EML5: variants seen among roughly 807,000 people sequenced by gnomAD.
The protein encoded by EML5 is EMAP like 5.
EML5 carries 120 observed loss-of-function variants against 250.0 expected under a neutral mutation model. The observed-to-expected ratio is 0.48, with a 90% CI of 0.41 to 0.56. The LOEUF (loss-of-function observed/expected upper bound fraction) is 0.56. Ranked by LOEUF, EML5 falls within the 20% of genes least tolerant of loss-of-function variation. The pLI, the probability that EML5 is intolerant of heterozygous loss-of-function variation, is 0.00. For missense variants in EML5, 2,006 were observed against 2,437.6 expected (o/e 0.82, Z 3.73); for synonymous variants, 771 against 806.5 (o/e 0.96, Z 0.75).
At chr14:88,631,538 G>A (rs1337592732) in intron 33 of EML5, among the ~76,000 whole-genome samples, 8 of 152,210 alleles carry the variant, frequency 5.3e-5, no homozygotes, top group Admixed American at 5.2e-4. Flanking sequence ...AGAAGCTGAG[G>A]CGGGTGGATA....
In EML5 at chr14:88,792,874, T is replaced by G. The variant is rs887863091; in HGVS notation, c.-371A>C. 1 of 378,482 alleles carries G rather than the reference T, an allele frequency of 2.6e-6. No homozygotes were observed. Among genetic ancestry groups the G allele is most frequent in the Non-Finnish European group, 3.6e-6 (1 of 275,080 alleles). 23.4% of individuals were successfully genotyped at this position (378,482 alleles called of 1,614,324 possible). On this transcript the variant is annotated 5_prime_UTR_variant, in exon 1 of 44. Transcript: ENST00000554922. This position sits in a 1 kb window ranked among gnomAD's most constrained non-coding sequence, Gnocchi z 6.9. ...CACGCAGCTCCCAGCCCCGGTCACC[T>G]GCGGCGCTCGCGCCCCGCCGCGGCT...
intron 8 of EML5, among the ~76,000 whole-genome samples, chr14:88,726,000 C>T (rs2093660968): frequency 6.6e-6 from 1 of 152,194 alleles, no homozygotes; most frequent in African/African-American, 2.4e-5. Context: ...TGTGGATCTA[C>T]AGCAAATTTC....
At chr14:88,771,481 T>C (rs1012122082) in intron 1 of EML5, among the ~76,000 whole-genome samples, 1 of 152,194 alleles carries the variant, frequency 6.6e-6, no homozygotes, top group Non-Finnish European at 1.5e-5. Context: ...GCTTCCTCAC[T>C]ACTGAGTCAT....
chr14:88,638,409 C>G (rs2090858644), intron 32 of EML5, among the ~76,000 whole-genome samples: 1 of 152,176 alleles, frequency 6.6e-6, no homozygotes, highest in Non-Finnish European at 1.5e-5. Context: ...CCTGAACCCC[C>G]ACGGAAGCAG....
chr14:88,655,733 A>G, intron 27 of EML5, among the ~76,000 whole-genome samples: 1 of 152,200 alleles, frequency 6.6e-6, no homozygotes, highest in African/African-American at 2.4e-5. Context: ...TCCATCTGAC[A>G]AAGGGCTAAT....
chr14:88,698,586 T>G (rs1298776120), intron 14 of EML5, among the ~76,000 whole-genome samples: 1 of 152,052 alleles, frequency 6.6e-6, no homozygotes, highest in African/African-American at 2.4e-5. Flanking sequence ...TACTACTGAG[T>G]TTCCTTCTCA....
At chr14:88,692,669 T>G (rs914073465) in intron 17 of EML5, among the ~76,000 whole-genome samples, 1 of 152,224 alleles carries the variant, frequency 6.6e-6, no homozygotes, top group Non-Finnish European at 1.5e-5. Flanking sequence ...CTGTAGTATA[T>G]GCTGCGAATT....
chr14:88,742,202 T>C (rs2093934553), intron 4 of EML5, among the ~76,000 whole-genome samples: 1 of 152,146 alleles, frequency 6.6e-6, no homozygotes, highest in South Asian at 2.1e-4. Flanking sequence ...ACTATTGTTC[T>C]AGAATCCAAA....
chr14:88,632,676 C>T (rs1317390379), intron 33 of EML5, among the ~76,000 whole-genome samples: 1 of 152,202 alleles, frequency 6.6e-6, no homozygotes, highest in Admixed American at 6.5e-5. Flanking sequence ...GCTGGGCTAG[C>T]TCTTGGCCAG....
At chr14:88,734,855 G>A (rs2140180963) in intron 7 of EML5, among the ~76,000 whole-genome samples, 1 of 152,140 alleles carries the variant, frequency 6.6e-6, no homozygotes, top group East Asian at 1.9e-4. Flanking sequence ...GAACAAAAAG[G>A]GAAGGAAGAA....
chr14:88,656,749 C>T (rs1320358851), intron 27 of EML5, among the ~76,000 whole-genome samples: 1 of 57,994 alleles, frequency 1.7e-5, no homozygotes, highest in Non-Finnish European at 2.7e-5. Context: ...GAAATGAGGA[C>T]TGACTATGCT....
intron 3 of EML5, among the ~76,000 whole-genome samples, chr14:88,745,058 A>G (rs2093983573): frequency 6.6e-6 from 1 of 152,136 alleles, no homozygotes; most frequent in Admixed American, 6.6e-5. Context: ...GTCTATTTAT[A>G]TAAATTCCAA....
rs2087261132 is a variant in EML5, at chr14:88,614,261, G to C, written c.*1557C>G. 1 of 152,064 alleles carries C rather than the reference G, an allele frequency of 6.6e-6. No homozygotes were observed. The highest frequency in any genetic ancestry group is 6.6e-5 in the Admixed American group (1 of 15,244). 9.4% of individuals were successfully genotyped at this position (152,064 alleles called of 1,614,324 possible). On this transcript the variant is annotated 3_prime_UTR_variant, in exon 44 of 44. Coordinates refer to ENST00000554922, the MANE Select transcript of EML5 (RefSeq NM_183387.3). ...TAAATACATGAGTAGAAACTTAATA[G>C]TCATGTATTTCAAAATTTGGCTTAA...
intron 28 of EML5, among the ~76,000 whole-genome samples, chr14:88,648,007 G>A (rs1033840540): frequency 6.6e-6 from 1 of 152,138 alleles, no homozygotes; most frequent in Non-Finnish European, 1.5e-5. Flanking sequence ...CCCAGTCAGT[G>A]AATCCAAGCA....
At chr14:88,691,459 G>A (rs1447618152) in intron 17 of EML5, among the ~76,000 whole-genome samples, 1 of 152,120 alleles carries the variant, frequency 6.6e-6, no homozygotes, top group Non-Finnish European at 1.5e-5. Context: ...ATTGACAGCT[G>A]GGTTTTCTTG....
intron 1 of EML5, among the ~76,000 whole-genome samples, chr14:88,762,685 C>A (rs1398356151): frequency 1.3e-5 from 2 of 152,152 alleles, no homozygotes; most frequent in Non-Finnish European, 2.9e-5. Context: ...CAGAACTCTC[C>A]ACCCCAAATC....
rs764340423 is a variant in EML5 at position 88,618,310 on chromosome 14, G to A, written c.5560C>T (p.Arg1854Trp). Residue 1854 changes from arginine to tryptophan, a missense_variant, in exon 41 of 44, where the codon CGG becomes TGG. By Grantham distance (101) the Arg-to-Trp change is moderately radical. Around this residue, in one of 7 missense-constraint regions of EML5, gnomAD observed 405 missense variants for 523.3 expected, o/e 0.77. Transcript: ENST00000554922. Reference protein sequence around the residue: ...YLQVSSGCYKRHVYEVPSGKH... With the variant: ...YLQVSSGCYKWHVYEVPSGKH... ...CCTGAAGGCACTTCATAGACATGCC[G>A]TTTATAGCAGCCACTAGAGACCTTT... 11 of 1,613,640 alleles carry A rather than the reference G, an allele frequency of 6.8e-6. No individual in the cohort carries two copies. Among genetic ancestry groups the A allele is most frequent in the South Asian group, 3.3e-5 (3 of 91,066 alleles).
At chr14:88,765,046 C>T (rs1396902659) in intron 1 of EML5, among the ~76,000 whole-genome samples, 2 of 152,158 alleles carry the variant, frequency 1.3e-5, no homozygotes, top group Non-Finnish European at 2.9e-5. Flanking sequence ...AATTTCACGT[C>T]TTTGCCAGCA....
chr14:88,646,630 T>C (rs1420822413), intron 29 of EML5, among the ~76,000 whole-genome samples: 1 of 152,138 alleles, frequency 6.6e-6, no homozygotes, highest in Non-Finnish European at 1.5e-5. Context: ...TTAATTTTTA[T>C]AAAGATCATT....
Sources: gnomAD v4.1 joint callset for allele counts (sites outside exome capture counted in the v4.1 genomes callset) on GRCh38, gnomAD v4.1.1 for gene constraint, gnomAD v4.1.1 regional missense constraint, Gnocchi (gnomAD v3.1) non-coding constraint, MANE v1.5 for transcripts, NCBI Gene and HGNC (gene_info 2026-07-23, HGNC 2026-07-21) for gene names.